The following COL4A6 variants were observed in gnomAD, a reference collection of about 807,000 sequenced individuals.
COL4A6 encodes the protein collagen alpha-6(IV) chain.
A neutral mutation model predicts 126.7 loss-of-function variants in COL4A6; 59 were observed. The ratio of observed to expected loss-of-function variants is 0.47; its 90% CI spans 0.38 to 0.58. The LOEUF (loss-of-function observed/expected upper bound fraction) is 0.58. COL4A6 is among the 20% of genes least tolerant of loss of function. The probability of loss-of-function intolerance (pLI) is 0.00; values close to 1 mark genes in which losing one functional copy is unlikely to be tolerated. For synonymous variants in COL4A6, 547 were observed against 496.6 expected, an observed-to-expected ratio of 1.10 and a Z score of -1.35; for missense variants, 1,285 against 1,337.3, an observed-to-expected ratio of 0.96 and a Z score of 0.61.
At chrX:108,381,825 T>G (rs954894828) in intron 2 of COL4A6, among the ~76,000 whole-genome samples, 5 of 111,705 alleles carry the variant, frequency 4.5e-5, no homozygotes, top group Admixed American at 3.8e-4. Context: ...AATAAAATCA[T>G]ATGCAACTGA....
chrX:108,365,685 T>G (rs1187327828), intron 2 of COL4A6, among the ~76,000 whole-genome samples: 1 of 112,099 alleles, frequency 8.9e-6, no homozygotes, highest in African/African-American at 3.2e-5. Context: ...AAACTCTATG[T>G]GCCAAGAAAT....
intron 42 of COL4A6, among the ~76,000 whole-genome samples, chrX:108,161,234 GC>G (rs895979180): frequency 1.8e-5 from 2 of 111,511 alleles, no homozygotes; most frequent in Admixed American, 1.9e-4. Flanking sequence ...TATATGGACA[GC>G]CACGCCTTAA....
intron 2 of COL4A6, among the ~76,000 whole-genome samples, chrX:108,398,276 T>A (rs771288523): frequency 8.9e-6 from 1 of 111,898 alleles, no homozygotes; most frequent in Non-Finnish European, 1.9e-5. Context: ...AAATTCCCCC[T>A]CATTTTATGT....
chrX:108,157,679 C>T (rs1158145789), intron 44 of COL4A6, among the ~76,000 whole-genome samples: 1 of 111,246 alleles, frequency 9.0e-6, no homozygotes, highest in East Asian at 2.8e-4. Context: ...TTCTCAGAGC[C>T]CTCTCTCAAC....
chrX:108,357,155 T>C (rs748001368), intron 2 of COL4A6, among the ~76,000 whole-genome samples: 1 of 111,562 alleles, frequency 9.0e-6, no homozygotes, highest in Non-Finnish European at 1.9e-5. Context: ...ATTCACTCAG[T>C]GAATGCTTAC....
intron 2 of COL4A6, among the ~76,000 whole-genome samples, chrX:108,400,993 G>A (rs1054871049): frequency 4.5e-5 from 5 of 111,359 alleles, no homozygotes; most frequent in Admixed American, 3.8e-4. Flanking sequence ...ATGTTCTCTT[G>A]TAGAATTTTT....
intron 2 of COL4A6, among the ~76,000 whole-genome samples, chrX:108,313,318 C>T (rs1288875221): frequency 9.0e-6 from 1 of 111,728 alleles, no homozygotes; most frequent in Non-Finnish European, 1.9e-5. Context: ...CAAGATCAAG[C>T]CCATCTTATA....
intron 3 of COL4A6, among the ~76,000 whole-genome samples, chrX:108,296,252 A>G (rs2038323309): frequency 8.9e-6 from 1 of 112,434 alleles, no homozygotes; most frequent in Admixed American, 9.4e-5. Context: ...GTCAAACCCA[A>G]CAGATAAGCT....
intron 41 of COL4A6, 137 bp from the exon 42 acceptor site, chrX:108,161,872 C>G: frequency 2.3e-6 from 1 of 443,651 alleles, no homozygotes; most frequent in Non-Finnish European, 4.0e-6. Flanking sequence ...GGTGTGCACA[C>G]TGCACATCAA....
rs397935341 is a variant in COL4A6 at position 108,172,365 on chromosome X, G to GAAAAAAA, written c.3202+97_3202+103dup. 4.7e-4 allele frequency: 52 copies of GAAAAAAA among 111,250 alleles called. 1 individual carries two copies. Among genetic ancestry groups the GAAAAAAA allele is most frequent in the African/African-American group, 7.1e-4 (9 of 12,658 alleles). 9.2% of individuals were successfully genotyped at this position (111,250 alleles called of 1,213,427 possible). A position where few individuals can be genotyped will look rare whatever the true frequency, so the allele number is the denominator to read the frequency against. ...ACAGAGCGAGACTCTGCCTAAAAAA[G>GAAAAAAA]AAAAAAAAAAAAAAAAAAAAAAAAA... On this transcript the variant is annotated intron_variant, in intron 32 of 44. Coordinates refer to ENST00000334504, the MANE Select transcript of COL4A6 (RefSeq NM_033641.4).
intron 17 of COL4A6, 84 bp from the exon 18 acceptor site, chrX:108,192,664 G>A: frequency 3.2e-6 from 2 of 621,551 alleles, no homozygotes; most frequent in Non-Finnish European, 5.1e-6. Context: ...AGGTGCAGGA[G>A]CTGTCCTGGC....
rs2034518533 is a variant in COL4A6 at position 108,176,990 on chromosome X, G to T, written c.2537C>A (p.Thr846Lys). 2.5e-6 allele frequency: 3 copies of T among 1,209,596 alleles called. No homozygotes were observed. The highest frequency in any genetic ancestry group is 2.2e-5 in the Admixed American group (1 of 45,785). Residue 846 changes from threonine (T) to lysine (K), a missense_variant, in exon 28 of 45, where the codon ACA (threonine) becomes AAA (lysine). Transcript: ENST00000334504. Reference protein sequence around the residue: ...GISGHPGKKGTRGKKGPPGSI... With the variant: ...GISGHPGKKGKRGKKGPPGSI... ...TCCAGGAGGACCTTTCTTGCCTCTTGTTCCTTTCTTTCCAGGATGTCCTGA... is the reference window on the plus strand; with the variant it reads ...TCCAGGAGGACCTTTCTTGCCTCTTTTTCCTTTCTTTCCAGGATGTCCTGA...
chrX:108,212,802 G>A (rs2035748730), intron 6 of COL4A6, among the ~76,000 whole-genome samples: 1 of 111,885 alleles, frequency 8.9e-6, no homozygotes, highest in Admixed American at 9.4e-5. Context: ...ACATGCCCAA[G>A]TTCCTATTTA....
Position 108,295,121 on chromosome X carries a change from A to G in COL4A6, c.144+15627T>C, listed in dbSNP as rs144852200. Among the ~76,000 whole-genome samples the G allele has an allele frequency of 6.2e-5, 7 of 112,271 alleles. No homozygotes were observed. The East Asian group carries it at 1.7e-3, about 27-fold the overall frequency. Reference sequence around the variant, plus strand: ...CTCTGTATCTTAGTAGGACAAATACATCTCCATGTGCACATTAGTCAAGAG... The same window carrying G: ...CTCTGTATCTTAGTAGGACAAATACGTCTCCATGTGCACATTAGTCAAGAG... On this transcript the variant is annotated intron_variant, in intron 3 of 44. Coordinates refer to ENST00000334504, the MANE Select transcript of COL4A6 (RefSeq NM_033641.4).
At position 108,229,803 on chromosome X, in the gene COL4A6, T is replaced by C. The variant is rs755030416; in HGVS notation, c.145-8429A>G. On this transcript the variant is annotated intron_variant, in intron 3 of 44. Transcript: ENST00000334504. ...ATGACACACCACAAGAGGAAAGGAG[T>C]GGATGGAGTAGCAAGACTGGAGACA... Among the ~76,000 whole-genome samples, 3 of 109,901 alleles carry C rather than the reference T, an allele frequency of 2.7e-5. No homozygotes were observed. The South Asian group carries it at 1.2e-3, about 43-fold the overall frequency.
At chrX:108,272,128 T>C (rs1225070920) in intron 3 of COL4A6, among the ~76,000 whole-genome samples, 1 of 111,520 alleles carries the variant, frequency 9.0e-6, no homozygotes, top group African/African-American at 3.3e-5. Context: ...CCTGCCCCTC[T>C]CTGTTTCCAT....
chrX:108,371,596 ACT>A (rs1213788465), intron 2 of COL4A6, among the ~76,000 whole-genome samples: 1 of 103,628 alleles, frequency 9.6e-6, no homozygotes, highest in African/African-American at 3.6e-5. Flanking sequence ...AAAAAAAAAA[ACT>A]CTTTTAAATA....
rs2035837018 is a variant in COL4A6 at position 108,215,555 on chromosome X, C to G, written c.325-1327G>C. 2.7e-5 allele frequency among the ~76,000 whole-genome samples: 3 copies of G among 111,604 alleles called. No individual in the cohort carries two copies. In the Admixed American group the frequency reaches 2.8e-4, roughly 11 times the overall value. ...GCCTCTATGGAGGCAACCTAGGCTCCCTTTCGTTCTGTCTTCCAGTTGTAT... is the reference window on the plus strand; with the variant it reads ...GCCTCTATGGAGGCAACCTAGGCTCGCTTTCGTTCTGTCTTCCAGTTGTAT... On this transcript the variant is annotated intron_variant, in intron 5 of 44. Coordinates refer to ENST00000334504, the MANE Select transcript of COL4A6 (RefSeq NM_033641.4).
At chrX:108,223,848 C>T (rs1339256197) in intron 3 of COL4A6, among the ~76,000 whole-genome samples, 1 of 111,530 alleles carries the variant, frequency 9.0e-6, no homozygotes, top group Non-Finnish European at 1.9e-5. Context: ...GAATGGAGGG[C>T]AGGATGGGCT....
Sources: allele counts gnomAD v4.1 joint callset (sites outside exome capture counted in the v4.1 genomes callset), GRCh38; gene constraint gnomAD v4.1.1; transcripts MANE v1.5; gene names NCBI Gene and HGNC (gene_info 2026-07-23, HGNC 2026-07-21).